The following PLCG2 variants were observed in gnomAD, a reference collection of about 807,000 sequenced individuals.
PLCG2 encodes phospholipase C gamma 2.
Under a neutral mutation model 175.6 loss-of-function variants are expected in PLCG2, and 69 were observed. The ratio of observed to expected loss-of-function variants is 0.39; its 90% CI spans 0.32 to 0.48. PLCG2 has a LOEUF of 0.48. PLCG2 is among the 20% of genes least tolerant of loss of function. The pLI is 0.91. For missense variants in PLCG2, 1,798 were observed against 1,650.9 expected, an observed-to-expected ratio of 1.09 and a Z score of -1.54; for synonymous variants, 827 against 624.0, an observed-to-expected ratio of 1.33 and a Z score of -4.85.
chr16:81,741,522 T>A (rs945153783), intron 1 of PLCG2, among the ~76,000 whole-genome samples: 2 of 152,186 alleles, frequency 1.3e-5, no homozygotes, highest in Non-Finnish European at 2.9e-5. Context: ...AAATATGTAA[T>A]GATCAGGCCA....
chr16:81,864,887 G>A (rs1374737076), intron 5 of PLCG2, among the ~76,000 whole-genome samples: 2 of 152,136 alleles, frequency 1.3e-5, no homozygotes, highest in Non-Finnish European at 2.9e-5. Context: ...GGAGAGGGAG[G>A]GGCTGTTGGT....
chr16:81,847,600 A>T (rs1212692612), intron 2 of PLCG2, among the ~76,000 whole-genome samples: 1 of 152,180 alleles, frequency 6.6e-6, no homozygotes. Context: ...TGGAGACCAA[A>T]TATATGCAGT....
intron 5 of PLCG2, among the ~76,000 whole-genome samples, chr16:81,860,112 C>A (rs1906893114): frequency 6.6e-6 from 1 of 150,454 alleles, no homozygotes; most frequent in African/African-American, 2.4e-5. Flanking sequence ...CTGGGAACTA[C>A]AGGTGTGTTT....
intron 2 of PLCG2, among the ~76,000 whole-genome samples, chr16:81,809,661 G>A (rs1192139628): frequency 6.6e-6 from 1 of 152,140 alleles, no homozygotes; most frequent in East Asian, 1.9e-4. Flanking sequence ...CCTGGGACTT[G>A]CTGTTTTCTC....
chr16:81,868,520 G>A (rs142192435), intron 5 of PLCG2, among the ~76,000 whole-genome samples: 31 of 152,286 alleles, frequency 2.0e-4, no homozygotes, highest in Admixed American at 3.9e-4. Context: ...TCCTCTGGGT[G>A]GCAGGTAGAG....
chr16:81,954,717 A>C (rs1249887290), intron 31 of PLCG2, among the ~76,000 whole-genome samples: 1 of 152,024 alleles, frequency 6.6e-6, no homozygotes, highest in African/African-American at 2.4e-5. Context: ...TATGTACCAC[A>C]TTTTCTTTAT....
Position 81,797,032 on chromosome 16 carries a change from T to A in PLCG2, c.193+10850T>A, listed in dbSNP as rs144640779. 2.8e-3 allele frequency among the ~76,000 whole-genome samples: 434 copies of A among 152,374 alleles called. 4 individuals carry two copies. Among genetic ancestry groups the A allele is most frequent in the Non-Finnish European group, 5.5e-3 (377 of 68,038 alleles). Reference sequence around the variant, plus strand: ...TGTCATAACGGAATTTAAGAGGCGTTGCTTTCTTCCACGTGTCATGTTATT... The same window carrying A: ...TGTCATAACGGAATTTAAGAGGCGTAGCTTTCTTCCACGTGTCATGTTATT... On this transcript the variant is annotated intron_variant, in intron 2 of 32. Transcript: ENST00000564138.
intron 9 of PLCG2, 92 bp from the exon 10 acceptor site, chr16:81,889,080 C>T: frequency 1.4e-6 from 1 of 724,798 alleles, no homozygotes; most frequent in South Asian, 1.7e-5. Context: ...GTTGATGTTT[C>T]AGTCTTCGAT....
intron 2 of PLCG2, among the ~76,000 whole-genome samples, chr16:81,797,238 G>C (rs937937434): frequency 3.9e-5 from 6 of 152,048 alleles, no homozygotes; most frequent in African/African-American, 1.4e-4. Context: ...TGCTGAGTTG[G>C]GGGAGGGATC....
chr16:81,907,629 C>A, intron 15 of PLCG2, 56 bp from the exon 16 acceptor site: 1 of 1,296,244 alleles, frequency 7.7e-7, no homozygotes, highest in East Asian at 2.3e-5. Flanking sequence ...CTCCTGGGCT[C>A]CACAGTTGAT....
intron 18 of PLCG2, 52 bp downstream of exon 18, chr16:81,910,772 C>T: frequency 6.5e-7 from 1 of 1,533,780 alleles, no homozygotes; most frequent in South Asian, 1.1e-5. Context: ...GTTAGCTCCA[C>T]CAGGCAGAGA....
In PLCG2 at chr16:81,919,649, G is replaced by T. The variant is rs1909981852; in HGVS notation, c.2220G>T (p.Leu740=). ...GCTACCCCGTGACCCCCGAGCTCCT[G>T]GAGCGCTACAATATGGTAGGTGGTG... ...RLRYPVTPEL[L]ERYNMERDIN... is the part of the protein sequence containing the mutation. Residue 740 remains leucine (L), a synonymous_variant, in exon 20 of 33, where the codon CTG becomes CTT. Coordinates refer to ENST00000564138, the MANE Select transcript of PLCG2 (RefSeq NM_002661.5). The T allele has an allele frequency of 1.9e-6, 3 of 1,613,730 alleles. No individual in the cohort carries two copies. Among genetic ancestry groups the T allele is most frequent in the African/African-American group, 2.7e-5 (2 of 74,898 alleles).
At chr16:81,900,482 A>C in intron 13 of PLCG2, 130 bp from the exon 14 acceptor site, 1 of 690,982 alleles carries the variant, frequency 1.4e-6, no homozygotes, top group Non-Finnish European at 2.3e-6. Context: ...GGGAGGGCAG[A>C]TGTGGGGGTT....
intron 31 of PLCG2, among the ~76,000 whole-genome samples, chr16:81,955,164 T>C (rs1038788985): frequency 7.2e-5 from 11 of 152,214 alleles, no homozygotes; most frequent in African/African-American, 2.7e-4. Context: ...TGCAAACAGC[T>C]GGAATAATCA....
chr16:81,742,582 G>A (rs1909618994), intron 1 of PLCG2, among the ~76,000 whole-genome samples: 1 of 152,224 alleles, frequency 6.6e-6, no homozygotes. Flanking sequence ...ATCAACAGTG[G>A]TTTCAGGAGC....
chr16:81,907,568 A>C (rs1331322163), intron 15 of PLCG2, 117 bp from the exon 16 acceptor site: 6 of 594,430 alleles, frequency 1.0e-5, no homozygotes, highest in Admixed American at 3.0e-5. Context: ...AATGTCTATG[A>C]AACTGGGAAA....
chr16:81,958,319 C>G lies in PLCG2; in HGVS notation c.*321C>G, dbSNP rs970256762. 1 of 357,262 alleles carries G rather than the reference C, an allele frequency of 2.8e-6. No individual in the cohort carries two copies. 22.1% of individuals were successfully genotyped at this position (357,262 alleles called of 1,614,324 possible). ...ATCAATTAAGCCTTCTGTTGCACGACCTGTGCAGTGAACAGGATTTCTTTT... is the reference window on the plus strand; with the variant it reads ...ATCAATTAAGCCTTCTGTTGCACGAGCTGTGCAGTGAACAGGATTTCTTTT... On this transcript the variant is annotated 3_prime_UTR_variant, in exon 33 of 33. Coordinates refer to ENST00000564138, the MANE Select transcript of PLCG2 (RefSeq NM_002661.5).
At chr16:81,881,906 C>T (rs1908099790) in intron 8 of PLCG2, among the ~76,000 whole-genome samples, 1 of 152,076 alleles carries the variant, frequency 6.6e-6, no homozygotes, top group African/African-American at 2.4e-5. Flanking sequence ...CCTGCCTTGG[C>T]CTCCCGAAGT....
intron 9 of PLCG2, among the ~76,000 whole-genome samples, chr16:81,885,646 A>G (rs548320011): frequency 1.1e-4 from 16 of 152,118 alleles, no homozygotes; most frequent in African/African-American, 2.9e-4. Flanking sequence ...AAATATAGCC[A>G]TAACACTCCT....
Sources: allele counts gnomAD v4.1 joint callset (sites outside exome capture counted in the v4.1 genomes callset), GRCh38; gene constraint gnomAD v4.1.1; transcripts MANE v1.5; gene names NCBI Gene and HGNC (gene_info 2026-07-23, HGNC 2026-07-21).